GABRB1: variants seen among roughly 807,000 people sequenced by gnomAD.
The protein encoded by GABRB1 is gamma-aminobutyric acid type A receptor subunit beta1.
Under a neutral mutation model 51.6 loss-of-function variants are expected in GABRB1, and 17 were observed. The ratio of observed to expected loss-of-function variants is 0.33; its 90% CI spans 0.23 to 0.49. GABRB1 has a LOEUF of 0.49. Ranked by LOEUF, GABRB1 falls within the 20% of genes least tolerant of loss-of-function variation. GABRB1 has a pLI of 0.99. For synonymous variants in GABRB1, 247 were observed against 218.9 expected (o/e 1.13, Z -1.14); for missense variants, 410 against 600.6 (o/e 0.68, Z 3.32).
At chr4:47,235,772 TTTTC>T (rs1369669968) in intron 4 of GABRB1, among the ~76,000 whole-genome samples, 33 of 152,110 alleles carry the variant, frequency 2.2e-4, no homozygotes, top group Admixed American at 2.2e-3. Context: ...GCTTTTTAAA[TTTTC>T]TTTAATTTTA....
intron 4 of GABRB1, among the ~76,000 whole-genome samples, chr4:47,234,777 T>A (rs1721267448): frequency 6.6e-6 from 1 of 152,208 alleles, no homozygotes; most frequent in Non-Finnish European, 1.5e-5. Context: ...ATTCTCCTTT[T>A]TCTTTATGAA....
At chr4:47,032,582 C>A in intron 3 of GABRB1, 98 bp downstream of exon 3, 1 of 1,195,514 alleles carries the variant, frequency 8.4e-7, no homozygotes, top group Non-Finnish European at 1.3e-6. Context: ...TCACCTCGCC[C>A]CTGGCCCCTG....
chr4:46,993,971 G>A (rs1723884450), intron 1 of GABRB1: 1 of 154,260 alleles, frequency 6.5e-6, no homozygotes. Flanking sequence ...GTTGGAGGTG[G>A]AGAAAGGGCG....
intron 4 of GABRB1, among the ~76,000 whole-genome samples, chr4:47,245,564 T>G (rs1045437483): frequency 1.3e-5 from 2 of 152,102 alleles, no homozygotes; most frequent in African/African-American, 4.8e-5. Flanking sequence ...TGCCTGCTTC[T>G]CCAGGGGACA....
intron 5 of GABRB1, among the ~76,000 whole-genome samples, chr4:47,382,834 G>A (rs1727640534): frequency 6.6e-6 from 1 of 152,088 alleles, no homozygotes; most frequent in South Asian, 2.1e-4. Flanking sequence ...AAACAAAATT[G>A]GCAGCTAGCC....
At chr4:47,168,302 CT>C in intron 4 of GABRB1, among the ~76,000 whole-genome samples, 1 of 152,272 alleles carries the variant, frequency 6.6e-6, no homozygotes, top group Admixed American at 6.5e-5. Context: ...GTAAATTTTA[CT>C]GTCTCATAAT....
intron 5 of GABRB1, among the ~76,000 whole-genome samples, chr4:47,373,699 G>C (rs1727287510): frequency 2.0e-5 from 3 of 152,170 alleles, no homozygotes; most frequent in African/African-American, 7.2e-5. Context: ...TAAATTTAAT[G>C]TTATCATCAG....
chr4:47,339,302 C>T (rs912711454), intron 5 of GABRB1, among the ~76,000 whole-genome samples: 1 of 152,158 alleles, frequency 6.6e-6, no homozygotes, highest in Non-Finnish European at 1.5e-5. Context: ...AAGTAAGCCA[C>T]AGCATCTGTG....
chr4:47,070,000 A>G (rs897400350), intron 3 of GABRB1, among the ~76,000 whole-genome samples: 1 of 150,246 alleles, frequency 6.7e-6, no homozygotes, highest in African/African-American at 2.4e-5. Context: ...AAAATATTGC[A>G]CTTGCCCTTC....
At chr4:46,993,755 TTCCGACTG>T (rs1473373880) in exon 1 of GABRB1, 1 of 248,392 alleles carries the variant, frequency 4.0e-6, no homozygotes, top group African/African-American at 2.3e-5. Context: ...GGCAAGTTTG[TTCCGACTG>T]TAACTCCGGG....
intron 4 of GABRB1, among the ~76,000 whole-genome samples, chr4:47,277,719 C>G (rs1021995681): frequency 1.3e-5 from 2 of 151,662 alleles, no homozygotes; most frequent in Non-Finnish European, 2.9e-5. Context: ...CATGAATAAA[C>G]CAAACTTCAC....
intron 3 of GABRB1, among the ~76,000 whole-genome samples, chr4:47,145,609 A>G (rs1215671472): frequency 2.0e-5 from 3 of 152,076 alleles, no homozygotes; most frequent in Admixed American, 6.6e-5. Flanking sequence ...AAGGAACACG[A>G]CATAGCATGT....
rs1718913779 is a variant in GABRB1, at chr4:47,180,876, C to T, written c.461+19407C>T. 2.0e-5 allele frequency among the ~76,000 whole-genome samples: 3 copies of T among 152,112 alleles called. No homozygotes were observed. The South Asian group carries it at 6.2e-4, about 32-fold the overall frequency. On this transcript the variant is annotated intron_variant, in intron 4 of 8. Transcript: ENST00000295454. Reference sequence around the variant, plus strand: ...ACAGATAACTTTGGCAGTTCATTTTCACTATCTTTTGAATTAAGATTAACA... The same window carrying T: ...ACAGATAACTTTGGCAGTTCATTTTTACTATCTTTTGAATTAAGATTAACA...
At chr4:47,068,555 G>T (rs1727181350) in intron 3 of GABRB1, among the ~76,000 whole-genome samples, 1 of 152,144 alleles carries the variant, frequency 6.6e-6, no homozygotes, top group Admixed American at 6.5e-5. Flanking sequence ...GTATTTTTGT[G>T]TCTCAAAGAA....
intron 4 of GABRB1, among the ~76,000 whole-genome samples, chr4:47,275,648 C>T (rs1291547716): frequency 6.6e-6 from 1 of 152,082 alleles, no homozygotes. Context: ...TTCTGCTTTG[C>T]CAAGCCTGTG....
intron 4 of GABRB1, among the ~76,000 whole-genome samples, chr4:47,277,455 A>G (rs1204436408): frequency 6.6e-5 from 10 of 152,084 alleles, no homozygotes; most frequent in African/African-American, 2.4e-4. Flanking sequence ...TGATAGCACA[A>G]TAGGGTGACT....
intron 1 of GABRB1, among the ~76,000 whole-genome samples, chr4:47,023,406 A>G (rs1724982648): frequency 6.6e-6 from 1 of 151,978 alleles, no homozygotes; most frequent in African/African-American, 2.4e-5. Flanking sequence ...TTTTCTTTAT[A>G]AAGTTTTATC....
intron 4 of GABRB1, among the ~76,000 whole-genome samples, chr4:47,317,738 G>A (rs1724942918): frequency 6.6e-6 from 1 of 151,808 alleles, no homozygotes; most frequent in East Asian, 1.9e-4. Context: ...AAATTGGAAA[G>A]AGGTAGGGTT....
chr4:47,177,011 T>C (rs1173296755), intron 4 of GABRB1, among the ~76,000 whole-genome samples: 2 of 152,154 alleles, frequency 1.3e-5, no homozygotes, highest in Non-Finnish European at 2.9e-5. Flanking sequence ...TCTGATTTCA[T>C]GGCCTACAGG....
Sources: allele counts gnomAD v4.1 joint callset (sites outside exome capture counted in the v4.1 genomes callset), GRCh38; gene constraint gnomAD v4.1.1; transcripts MANE v1.5; gene names NCBI Gene and HGNC (gene_info 2026-07-23, HGNC 2026-07-21).